FLRT2: variants seen among roughly 807,000 people sequenced by gnomAD.
The protein encoded by FLRT2 is fibronectin leucine rich transmembrane protein 2.
Under a neutral mutation model 40.0 loss-of-function variants are expected in FLRT2, and 15 were observed. The ratio of observed to expected loss-of-function variants is 0.38; its 90% CI spans 0.25 to 0.58. The LOEUF is 0.58. Among genes scored for constraint, FLRT2 ranks in the 20% least tolerant of loss-of-function variants. The pLI, the probability that FLRT2 is intolerant of heterozygous loss-of-function variation, is 0.71. For synonymous variants in FLRT2, 380 were observed against 336.8 expected, an observed-to-expected ratio of 1.13 and a Z score of -1.41; for missense variants, 726 against 840.0, an observed-to-expected ratio of 0.86 and a Z score of 1.68.
In FLRT2 at chr14:85,649,309, C is replaced by T. The variant is rs1047214650; in HGVS notation, c.*25812C>T. The T allele has an allele frequency of 6.6e-6, 1 of 152,156 alleles. No individual in the cohort carries two copies. The highest frequency in any genetic ancestry group is 2.4e-5 in the African/African-American group (1 of 41,556). 9.4% of individuals were successfully genotyped at this position (152,156 alleles called of 1,614,324 possible). On this transcript the variant is annotated 3_prime_UTR_variant, in exon 2 of 2. Transcript: ENST00000330753. ...TTTAATAGCTCATTGAAAGAACTAG[C>T]CTGAAGCAGATAAAATATGTTGCAG...
At position 85,650,790 on chromosome 14, in the gene FLRT2, A is replaced by G. The variant is rs904355762; in HGVS notation, c.*27293A>G. The G allele has an allele frequency of 6.6e-6, 1 of 151,518 alleles. No homozygotes were observed. Among genetic ancestry groups the G allele is most frequent in the Non-Finnish European group, 1.5e-5 (1 of 67,920 alleles). 9.4% of individuals were successfully genotyped at this position (151,518 alleles called of 1,614,324 possible). A position where few individuals can be genotyped will look rare whatever the true frequency, so the allele number is the denominator to read the frequency against. On this transcript the variant is annotated 3_prime_UTR_variant, in exon 2 of 2. Coordinates refer to ENST00000330753, the MANE Select transcript of FLRT2 (RefSeq NM_013231.6). Reference sequence around the variant, plus strand: ...TCTCTTACTGGTTCATATTCTCTATACATGCTGAATGGTGTTAGCTAGCTA... The same window carrying G: ...TCTCTTACTGGTTCATATTCTCTATGCATGCTGAATGGTGTTAGCTAGCTA...
chr14:85,559,771 T>C (rs956401581), intron 1 of FLRT2, among the ~76,000 whole-genome samples: 3 of 152,146 alleles, frequency 2.0e-5, no homozygotes, highest in Non-Finnish European at 2.9e-5. Context: ...TCACTGCTCT[T>C]ACTCAGGTCT....
At chr14:85,552,405 C>T (rs1452124158) in intron 1 of FLRT2, among the ~76,000 whole-genome samples, 1 of 152,168 alleles carries the variant, frequency 6.6e-6, no homozygotes, top group Non-Finnish European at 1.5e-5. Context: ...AGATAATCCA[C>T]AGGAGGCATT....
rs1893560376 is a variant in FLRT2 at position 85,624,111 on chromosome 14, GA to G, written c.*618del. On this transcript the variant is annotated 3_prime_UTR_variant, in exon 2 of 2. Coordinates refer to ENST00000330753, the MANE Select transcript of FLRT2 (RefSeq NM_013231.6). Reference sequence around the variant, plus strand: ...AGTTAACCCGGCCTGACAGAATCAAGAAAATTGAGATGAGATTTGAAAGGAC... The same window carrying G: ...AGTTAACCCGGCCTGACAGAATCAAGAAATTGAGATGAGATTTGAAAGGAC... The G allele has an allele frequency of 6.0e-6, 1 of 167,018 alleles. No homozygotes were observed. Among genetic ancestry groups the G allele is most frequent in the Non-Finnish European group, 1.5e-5 (1 of 68,114 alleles). 10.3% of individuals were successfully genotyped at this position (167,018 alleles called of 1,614,324 possible).
chr14:85,578,643 C>G (rs995237938), intron 1 of FLRT2, among the ~76,000 whole-genome samples: 1 of 152,172 alleles, frequency 6.6e-6, no homozygotes, highest in African/African-American at 2.4e-5. Flanking sequence ...TGGGGAGATA[C>G]GGGTTGAGTG....
At chr14:85,535,472 A>T (rs1303027583) in intron 1 of FLRT2, among the ~76,000 whole-genome samples, 3 of 152,148 alleles carry the variant, frequency 2.0e-5, no homozygotes, top group Non-Finnish European at 4.4e-5. Context: ...GAAGTGTTAG[A>T]ACTAGATTCT....
intron 1 of FLRT2, among the ~76,000 whole-genome samples, chr14:85,536,460 AG>A (rs1888664759): frequency 6.6e-6 from 1 of 152,192 alleles, no homozygotes; most frequent in African/African-American, 2.4e-5. Flanking sequence ...AAAAAGGTCA[AG>A]GTGATGTAAT....
rs958402833 is a variant in FLRT2, at chr14:85,630,848, C to A, written c.*7351C>A. On this transcript the variant is annotated 3_prime_UTR_variant, in exon 2 of 2. Coordinates refer to ENST00000330753, the MANE Select transcript of FLRT2 (RefSeq NM_013231.6). Reference sequence around the variant, plus strand: ...TTCCCTGACTCTGACTTGGTTAAGACCCTTCCTTTAGTCTTTTTCTAATTT... The same window carrying A: ...TTCCCTGACTCTGACTTGGTTAAGAACCTTCCTTTAGTCTTTTTCTAATTT... 1 of 151,932 alleles carries A rather than the reference C, an allele frequency of 6.6e-6. No individual in the cohort carries two copies. The highest frequency in any genetic ancestry group is 1.5e-5 in the Non-Finnish European group (1 of 68,070). 9.4% of individuals were successfully genotyped at this position (151,932 alleles called of 1,614,324 possible).
intron 1 of FLRT2, among the ~76,000 whole-genome samples, chr14:85,615,212 G>A (rs577712691): frequency 1.3e-5 from 2 of 152,336 alleles, no homozygotes; most frequent in East Asian, 3.9e-4. Flanking sequence ...CTCCCAGTGG[G>A]CTGAGAGAGG....
At chr14:85,563,706 T>C (rs1252643699) in intron 1 of FLRT2, among the ~76,000 whole-genome samples, 1 of 151,938 alleles carries the variant, frequency 6.6e-6, no homozygotes, top group Non-Finnish European at 1.5e-5. Context: ...CAATTCAACA[T>C]GAGATTTGGG....
intron 1 of FLRT2, among the ~76,000 whole-genome samples, chr14:85,580,376 T>G (rs2139874303): frequency 6.6e-6 from 1 of 152,282 alleles, no homozygotes; most frequent in Non-Finnish European, 1.5e-5. Flanking sequence ...CAGAAGTAAT[T>G]TTGTTTTTCC....
intron 1 of FLRT2, among the ~76,000 whole-genome samples, chr14:85,610,204 T>G (rs1031800970): frequency 6.6e-6 from 1 of 152,042 alleles, no homozygotes; most frequent in Admixed American, 6.6e-5. Context: ...CCTCTCTTTC[T>G]AAAGAGAATT....
intron 1 of FLRT2, among the ~76,000 whole-genome samples, chr14:85,617,379 G>A (rs2139362757): frequency 6.6e-6 from 1 of 152,250 alleles, no homozygotes; most frequent in East Asian, 1.9e-4. Flanking sequence ...TGTGCTGTGA[G>A]TTAGGAACTA....
At position 85,623,183 on chromosome 14, in the gene FLRT2, G is replaced by T. The variant is rs1429494648; in HGVS notation, c.1669G>T (p.Val557Phe). The change falls in exon 2 of 2, where the codon GTC becomes TTC. Residue 557 changes from valine (V) to phenylalanine (F), a missense_variant. By Grantham distance (50) the Val-to-Phe change is conservative. Coordinates refer to ENST00000330753, the MANE Select transcript of FLRT2 (RefSeq NM_013231.6). ...IGGAVIFVLV[V>F]LLSVFCWHMH... is the part of the protein sequence containing the mutation. ...GGGCGCGGTGATATTTGTGCTGGTG[G>T]TCTTGCTCAGCGTCTTTTGCTGGCA... 1.3e-6 allele frequency: 2 copies of T among 1,557,026 alleles called. No individual in the cohort carries two copies. Among genetic ancestry groups the T allele is most frequent in the African/African-American group, 2.7e-5 (2 of 73,240 alleles).
intron 1 of FLRT2, among the ~76,000 whole-genome samples, chr14:85,565,223 A>G (rs1432329583): frequency 6.6e-6 from 1 of 152,186 alleles, no homozygotes; most frequent in African/African-American, 2.4e-5. Flanking sequence ...CAAATAGCAT[A>G]TGCAGCCTGG....
At position 85,623,146 on chromosome 14, in the gene FLRT2, G is replaced by A. The variant is rs764555754; in HGVS notation, c.1632G>A (p.Ala544=). 6.9e-6 allele frequency: 11 copies of A among 1,595,002 alleles called. No homozygotes were observed. The South Asian group carries it at 7.9e-5, about 11-fold the overall frequency. The change falls in exon 2 of 2, where the codon GCG becomes GCA. Residue 544 remains alanine (A), a synonymous_variant. Transcript: ENST00000330753. ...GCATGGGCTCCCCCTTTCTGCTGGC[G>A]GGCTTGATCGGGGGCGCGGTGATAT... The part of the protein sequence containing the change: ...SHSMGSPFLL[A]GLIGGAVIFV...
intron 1 of FLRT2, among the ~76,000 whole-genome samples, chr14:85,611,425 A>C (rs1258983997): frequency 1.3e-5 from 2 of 152,192 alleles, no homozygotes; most frequent in Admixed American, 1.3e-4. Context: ...TTGGTTTATA[A>C]TTATGAAATT....
rs972406350 is a variant in FLRT2, at chr14:85,637,441, C to G, written c.*13944C>G. The G allele has an allele frequency of 3.3e-5, 5 of 152,154 alleles. No homozygotes were observed. Among genetic ancestry groups the G allele is most frequent in the African/African-American group, 1.2e-4 (5 of 41,422 alleles). 9.4% of individuals were successfully genotyped at this position (152,154 alleles called of 1,614,324 possible). On this transcript the variant is annotated 3_prime_UTR_variant, in exon 2 of 2. Transcript: ENST00000330753. Reference sequence around the variant, plus strand: ...TAAAAGGTATAACAAAAACACCTACCACAGTGTTGGTGTGAAGACTCATTT... The same window carrying G: ...TAAAAGGTATAACAAAAACACCTACGACAGTGTTGGTGTGAAGACTCATTT...
chr14:85,540,208 A>G (rs1888906799), intron 1 of FLRT2, among the ~76,000 whole-genome samples: 1 of 152,218 alleles, frequency 6.6e-6, no homozygotes, highest in Non-Finnish European at 1.5e-5. Flanking sequence ...TTTGTTTTGC[A>G]AAATAAGGCA....
Sources: gnomAD v4.1 joint callset for allele counts (sites outside exome capture counted in the v4.1 genomes callset) on GRCh38, gnomAD v4.1.1 for gene constraint, MANE v1.5 for transcripts, NCBI Gene and HGNC (gene_info 2026-07-23, HGNC 2026-07-21) for gene names.